DENND4A: variants seen among roughly 807,000 people sequenced by gnomAD.
The protein encoded by DENND4A is DENN domain containing 4A.
A neutral mutation model predicts 199.3 loss-of-function variants in DENND4A; 70 were observed. The observed-to-expected ratio is 0.35, with a 90% CI of 0.29 to 0.43. The LOEUF (loss-of-function observed/expected upper bound fraction) is 0.43, where lower values mean the gene tolerates loss of function less well. Among genes scored for constraint, DENND4A ranks in the 20% least tolerant of loss-of-function variants. The pLI, the probability that DENND4A is intolerant of heterozygous loss-of-function variation, is 1.00. For synonymous variants in DENND4A, 686 were observed against 766.9 expected, an observed-to-expected ratio of 0.89 and a Z score of 1.74; for missense variants, 1,723 against 2,255.8, an observed-to-expected ratio of 0.76 and a Z score of 4.78.
At chr15:65,755,054 A>AT (rs2140659419) in intron 3 of DENND4A, among the ~76,000 whole-genome samples, 1 of 152,392 alleles carries the variant, frequency 6.6e-6, no homozygotes, top group African/African-American at 2.4e-5. Context: ...ATATGATGGA[A>AT]TATTATTCAG....
chr15:65,679,829 G>C (rs1286047178), intron 23 of DENND4A, among the ~76,000 whole-genome samples: 1 of 152,080 alleles, frequency 6.6e-6, no homozygotes, highest in Non-Finnish European at 1.5e-5. Flanking sequence ...GCCTGGATGG[G>C]TAATTGGAAG....
chr15:65,662,631 T>C (rs1163654336), intron 32 of DENND4A, among the ~76,000 whole-genome samples: 2 of 152,166 alleles, frequency 1.3e-5, no homozygotes, highest in South Asian at 2.1e-4. Flanking sequence ...CTGCTAAAAG[T>C]TTCTCTCAGT....
Position 65,665,734 on chromosome 15 carries a change from T to C in DENND4A, c.5242-272A>G, listed in dbSNP as rs531221398. ...CTCATCTTGCTCCTCTTGCTCATGA[T>C]TGAAAGTCACAGAAAGATAAATCCA... On this transcript the variant is annotated intron_variant, in intron 29 of 32. Transcript: ENST00000443035. Among the ~76,000 whole-genome samples the C allele has an allele frequency of 8.9e-4, 136 of 152,148 alleles. 1 individual carries two copies. The highest frequency in any genetic ancestry group is 1.1e-3 in the Non-Finnish European group (72 of 68,026).
chr15:65,732,037 G>C (rs1009191908), intron 8 of DENND4A, among the ~76,000 whole-genome samples: 14 of 152,008 alleles, frequency 9.2e-5, no homozygotes, highest in Non-Finnish European at 1.8e-4. Flanking sequence ...CAAATCCATA[G>C]ATTGCCTGTT....
chr15:65,729,312 A>G (rs1596542319), intron 10 of DENND4A, 65 bp from the exon 11 acceptor site: 3 of 1,498,206 alleles, frequency 2.0e-6, no homozygotes, highest in Non-Finnish European at 2.7e-6. Flanking sequence ...TTATCAGCAC[A>G]CACAAAAAAC....
At chr15:65,748,450 T>C (rs2076471032) in intron 4 of DENND4A, among the ~76,000 whole-genome samples, 3 of 151,844 alleles carry the variant, frequency 2.0e-5, no homozygotes, top group Admixed American at 1.3e-4. Flanking sequence ...AGACCCAATA[T>C]CTACAAAAAA....
At chr15:65,771,838 A>G in intron 1 of DENND4A, 1 of 1,612,920 alleles carries the variant, frequency 6.2e-7, no homozygotes, top group Non-Finnish European at 8.5e-7. Flanking sequence ...TGGATTACTT[A>G]AAACAGCATA....
rs2076156293 is a variant in DENND4A, at chr15:65,737,814, T to C, written c.933A>G (p.Lys311=). Reference sequence around the variant, plus strand: ...GCCAGTGAGAAAGAAGACAGATGCATTTGTTAGTATGAATTGTTTTGGAAC... The same window carrying C: ...GCCAGTGAGAAAGAAGACAGATGCACTTGTTAGTATGAATTGTTTTGGAAC... ...SDSSKTIHTN[K]CICLLSHWPF... Residue 311 remains lysine, a synonymous_variant, in exon 7 of 33, where the codon AAA becomes AAG. Coordinates refer to ENST00000443035, the MANE Select transcript of DENND4A (RefSeq NM_001320835.1). The C allele has an allele frequency of 3.1e-6, 5 of 1,600,494 alleles. No individual in the cohort carries two copies. Among genetic ancestry groups the C allele is most frequent in the Non-Finnish European group, 4.3e-6 (5 of 1,173,016 alleles).
intron 1 of DENND4A, among the ~76,000 whole-genome samples, chr15:65,774,824 T>A (rs940348419): frequency 1.1e-4 from 16 of 148,972 alleles, no homozygotes; most frequent in Admixed American, 1.3e-4. Context: ...TTGCTTTTTT[T>A]AAAAAAAAAT....
At chr15:65,728,095 G>A (rs781589147) in intron 11 of DENND4A, among the ~76,000 whole-genome samples, 1 of 151,642 alleles carries the variant, frequency 6.6e-6, no homozygotes, top group Non-Finnish European at 1.5e-5. Context: ...TGCAGCCTCC[G>A]CCTCCCGGGT....
At chr15:65,748,949 G>C (rs1370283297) in intron 4 of DENND4A, among the ~76,000 whole-genome samples, 3 of 148,250 alleles carry the variant, frequency 2.0e-5, no homozygotes, top group Non-Finnish European at 4.5e-5. Context: ...GCCATGAGCA[G>C]TCCACTATAC....
intron 1 of DENND4A, among the ~76,000 whole-genome samples, chr15:65,784,248 A>G (rs1361190545): frequency 1.3e-5 from 2 of 152,218 alleles, no homozygotes; most frequent in Non-Finnish European, 2.9e-5. Context: ...ATCACAGCCC[A>G]GATAGGCTAA....
intron 1 of DENND4A, among the ~76,000 whole-genome samples, chr15:65,761,848 A>G (rs1166174928): frequency 2.0e-5 from 3 of 152,140 alleles, no homozygotes; most frequent in African/African-American, 7.2e-5. Flanking sequence ...TAATTCAAAT[A>G]TAGACTCAAG....
chr15:65,726,120 T>C (rs905284408), intron 11 of DENND4A: 2 of 151,998 alleles, frequency 1.3e-5, no homozygotes, highest in Admixed American at 1.3e-4. Context: ...AAAGAAAAAA[T>C]AGTAAGTAGG....
chr15:65,729,676 C>T lies in DENND4A; in HGVS notation c.1169G>A (p.Gly390Asp), dbSNP rs755998669. 2 of 1,547,220 alleles carry T rather than the reference C, an allele frequency of 1.3e-6. No individual in the cohort carries two copies. The highest frequency in any genetic ancestry group is 2.0e-5 in the Admixed American group (1 of 50,050). Residue 390 changes from glycine to aspartate, a missense_variant and splice_region_variant, in exon 10 of 33, where the codon GGT (glycine) becomes GAT (aspartate). Gly to Asp is a moderately conservative substitution (Grantham distance 94). Transcript: ENST00000443035. Reference protein sequence around the residue: ...QPVSSPLPLSGGKFSTLLQNL... With the variant: ...QPVSSPLPLSDGKFSTLLQNL... ...CTGCAGTAGTGTTGAAAACTTGCCA[C>T]CACTGTCAATCCAAACAAAAATATA... is the stretch of plus-strand genomic sequence containing the variant.
In DENND4A at chr15:65,691,092, C is replaced by A; in HGVS notation, c.3502G>T (p.Glu1168Ter). The A allele has an allele frequency of 6.2e-7, 1 of 1,613,114 alleles. No individual in the cohort carries two copies. The highest frequency in any genetic ancestry group is 8.5e-7 in the Non-Finnish European group (1 of 1,179,582). Residue 1168 changes from glutamate to a stop codon, truncating the protein, a stop_gained, in exon 23 of 33, where the codon GAA (glutamate) becomes TAA (stop). Coordinates refer to ENST00000443035, the MANE Select transcript of DENND4A (RefSeq NM_001320835.1). LOFTEE classifies it high-confidence loss of function. Reference sequence around the variant, plus strand: ...ACATCTGTTTCACTGTCTAAGTCTTCTAAGTCAAAAATAACAGGAGAATCC... The same window carrying A: ...ACATCTGTTTCACTGTCTAAGTCTTATAAGTCAAAAATAACAGGAGAATCC... ...KVDSPVIFDL[E>*]DLDSETDVSK...
At chr15:65,685,449 C>G (rs1238877200) in intron 23 of DENND4A, among the ~76,000 whole-genome samples, 1 of 152,184 alleles carries the variant, frequency 6.6e-6, no homozygotes, top group African/African-American at 2.4e-5. Context: ...TTAGCTCTTA[C>G]ATTTAGACAT....
intron 11 of DENND4A, among the ~76,000 whole-genome samples, chr15:65,726,372 A>G (rs1407150950): frequency 1.3e-5 from 2 of 152,258 alleles, no homozygotes; most frequent in Non-Finnish European, 2.9e-5. Context: ...AAAATATTAC[A>G]TCACGTAACA....
chr15:65,700,677 T>C lies in DENND4A; in HGVS notation c.2702-2A>G. The C allele has an allele frequency of 6.5e-7, 1 of 1,530,032 alleles. No individual in the cohort carries two copies. The highest frequency in any genetic ancestry group is 1.2e-5 in the South Asian group (1 of 80,028). The allele number at this position is 1,530,032 out of a possible 1,614,324, so 94.8% of individuals were successfully genotyped here. A position where few individuals can be genotyped will look rare whatever the true frequency, so the allele number is the denominator to read the frequency against. On this transcript the variant is annotated splice_acceptor_variant, in intron 19 of 32. Coordinates refer to ENST00000443035, the MANE Select transcript of DENND4A (RefSeq NM_001320835.1). LOFTEE classifies it high-confidence loss of function. ...CAGCATCCAGGTCACTGCCATCTGCTTAAGAACACAATTTGACAGCATTTT... is the reference window on the plus strand; with the variant it reads ...CAGCATCCAGGTCACTGCCATCTGCCTAAGAACACAATTTGACAGCATTTT...
Sources: gnomAD v4.1 joint callset for allele counts (sites outside exome capture counted in the v4.1 genomes callset) on GRCh38, gnomAD v4.1.1 for gene constraint, MANE v1.5 for transcripts, NCBI Gene and HGNC (gene_info 2026-07-23, HGNC 2026-07-21) for gene names.